GALNT5: variants seen among roughly 807,000 people sequenced by gnomAD.
GALNT5 encodes the protein polypeptide N-acetylgalactosaminyltransferase 5, also known as UDP-GalNAc:polypeptide N-acetylgalactosaminyltransferase 5.
GALNT5 carries 72 observed loss-of-function variants against 85.4 expected under a neutral mutation model. The observed-to-expected ratio is 0.84, with a 90% CI of 0.70 to 1.03. The LOEUF (loss-of-function observed/expected upper bound fraction) is 1.03. Ranked by LOEUF, GALNT5 falls within the 50% of genes least tolerant of loss-of-function variation. The pLI is 0.00. For missense variants in GALNT5, 1,137 were observed against 1,135.5 expected (o/e 1.00, Z -0.02); for synonymous variants, 404 against 397.0 (o/e 1.02, Z -0.21).
chr2:157,267,403 C>T (rs1199195114), intron 1 of GALNT5, among the ~76,000 whole-genome samples: 1 of 152,132 alleles, frequency 6.6e-6, no homozygotes, highest in Non-Finnish European at 1.5e-5. Flanking sequence ...GGACTTATGA[C>T]CCAAAGGAAA....
At chr2:157,293,266 G>A (rs1446785248) in intron 3 of GALNT5, among the ~76,000 whole-genome samples, 1 of 152,198 alleles carries the variant, frequency 6.6e-6, no homozygotes, top group Non-Finnish European at 1.5e-5. Context: ...CAAGGCACTA[G>A]CAGATTCGGT....
At chr2:157,308,253 C>A (rs572276456) in intron 8 of GALNT5, among the ~76,000 whole-genome samples, 1 of 152,288 alleles carries the variant, frequency 6.6e-6, no homozygotes, top group African/African-American at 2.4e-5. Context: ...GAATTAATTG[C>A]ACTGAATAAT....
chr2:157,300,388 A>G (rs1217152819), intron 6 of GALNT5, among the ~76,000 whole-genome samples: 1 of 152,140 alleles, frequency 6.6e-6, no homozygotes, highest in Non-Finnish European at 1.5e-5. Flanking sequence ...CAAAACAAGA[A>G]CTCATGTTTT....
In GALNT5 at chr2:157,317,624, G is replaced by A. The variant is rs1683744783; in HGVS notation, c.*6276G>A. Among the ~76,000 whole-genome samples, 3 of 152,136 alleles carry A rather than the reference G, an allele frequency of 2.0e-5. 1 individual carries two copies. In the East Asian group the frequency reaches 5.8e-4, roughly 29 times the overall value. ...GGATGTTGGAATTAAACATTTTTAA[G>A]TACTTTTTCTTTTGCATCTGATCGA... is the stretch of plus-strand genomic sequence containing the variant. On this transcript the variant is annotated 3_prime_UTR_variant, in exon 10 of 10. Transcript: ENST00000259056.
intron 1 of GALNT5, among the ~76,000 whole-genome samples, chr2:157,272,862 G>C (rs1437002748): frequency 6.6e-6 from 1 of 152,106 alleles, no homozygotes; most frequent in Admixed American, 6.5e-5. Flanking sequence ...TTTTCATTTG[G>C]ATATATACCT....
chr2:157,300,719 G>A lies in GALNT5; in HGVS notation c.2159G>A (p.Arg720Gln), dbSNP rs372133363. 38 of 1,613,724 alleles carry A rather than the reference G, an allele frequency of 2.4e-5. No individual in the cohort carries two copies. The highest frequency in any genetic ancestry group is 9.3e-5 in the African/African-American group (7 of 74,874). ...GAAATTGAGATCATTCCCTGCTCCC[G>A]AGTGGGCCATATATTCAGAAATGAC... Reference protein sequence around the residue: ...GGEIEIIPCSRVGHIFRNDNP... With the variant: ...GGEIEIIPCSQVGHIFRNDNP... The change falls in exon 7 of 10, where the codon CGA becomes CAA. Residue 720 changes from arginine (R) to glutamine (Q), a missense_variant. Coordinates refer to ENST00000259056, the MANE Select transcript of GALNT5 (RefSeq NM_014568.3).
chr2:157,299,952 C>T (rs534063666), intron 6 of GALNT5, among the ~76,000 whole-genome samples: 3 of 152,076 alleles, frequency 2.0e-5, no homozygotes, highest in African/African-American at 7.2e-5. Context: ...GGGAGTCATA[C>T]GTGCTACAAA....
intron 3 of GALNT5, among the ~76,000 whole-genome samples, 187 bp from the exon 4 acceptor site, chr2:157,295,476 T>C (rs569780712): frequency 6.6e-6 from 1 of 151,606 alleles, no homozygotes; most frequent in South Asian, 2.1e-4. Flanking sequence ...ACAGGACTCC[T>C]AGGAGCAAAG....
chr2:157,272,609 A>G (rs1275693176), intron 1 of GALNT5, among the ~76,000 whole-genome samples: 4 of 152,266 alleles, frequency 2.6e-5, no homozygotes, highest in South Asian at 2.1e-4. Flanking sequence ...GCTCCCACCT[A>G]TAAGTGAGAA....
At chr2:157,291,006 G>T (rs1683085928) in intron 3 of GALNT5, among the ~76,000 whole-genome samples, 1 of 152,214 alleles carries the variant, frequency 6.6e-6, no homozygotes, top group African/African-American at 2.4e-5. Context: ...TGAGGAGGTT[G>T]AGAGGCCCAA....
chr2:157,291,179 C>T (rs1293302643), intron 3 of GALNT5, among the ~76,000 whole-genome samples: 1 of 152,130 alleles, frequency 6.6e-6, no homozygotes, highest in Admixed American at 6.5e-5. Context: ...TGATTTACTG[C>T]CCTGCCAAGA....
At chr2:157,300,644 G>A in intron 6 of GALNT5, 32 bp from the exon 7 acceptor site, 1 of 1,503,924 alleles carries the variant, frequency 6.6e-7, no homozygotes, top group South Asian at 1.1e-5. Flanking sequence ...ATAATCATTT[G>A]ATAATTGATG....
At chr2:157,305,703 T>G in intron 7 of GALNT5, 46 bp from the exon 8 acceptor site, 1 of 1,073,584 alleles carries the variant, frequency 9.3e-7, no homozygotes, top group Non-Finnish European at 1.4e-6. Flanking sequence ...TGTCTTGTTT[T>G]ACTTTAAAAT....
chr2:157,310,557 T>A (rs1171048981), intron 9 of GALNT5, among the ~76,000 whole-genome samples: 1 of 152,218 alleles, frequency 6.6e-6, no homozygotes, highest in Non-Finnish European at 1.5e-5. Context: ...AGATTGTCTT[T>A]GTCATAGTCA....
At chr2:157,299,159 A>C (rs1683284340) in intron 5 of GALNT5, 1 of 154,458 alleles carries the variant, frequency 6.5e-6, no homozygotes, top group Non-Finnish European at 1.4e-5. Flanking sequence ...CCTCACATCC[A>C]GTGTTGCAGA....
chr2:157,263,977 C>G (rs957870446), intron 1 of GALNT5, among the ~76,000 whole-genome samples: 25 of 152,030 alleles, frequency 1.6e-4, no homozygotes, highest in African/African-American at 4.8e-4. Flanking sequence ...ATTTTATTTA[C>G]AAGAATGTTT....
intron 3 of GALNT5, among the ~76,000 whole-genome samples, chr2:157,288,171 T>C (rs1683018036): frequency 1.3e-5 from 2 of 152,238 alleles, no homozygotes; most frequent in Admixed American, 1.3e-4. Context: ...TCTGCTTACC[T>C]GAGTTTAATT....
chr2:157,299,370 C>T (rs1216656802), intron 5 of GALNT5, among the ~76,000 whole-genome samples, 178 bp from the exon 6 acceptor site: 2 of 152,152 alleles, frequency 1.3e-5, no homozygotes, highest in Admixed American at 1.3e-4. Context: ...AGCTCTGCCA[C>T]CATGATCCAG....
In GALNT5 at chr2:157,258,089, A is replaced by G; in HGVS notation, c.7A>G (p.Arg3Gly). The G allele has an allele frequency of 1.9e-6, 3 of 1,613,496 alleles. No homozygotes were observed. The highest frequency in any genetic ancestry group is 2.5e-6 in the Non-Finnish European group (3 of 1,179,926). Residue 3 changes from arginine to glycine, a missense_variant, in exon 1 of 10, where the codon AGG becomes GGG. Physicochemically the swap from Arg to Gly is moderately radical, Grantham distance 125. Transcript: ENST00000259056. MN[R>G]IRKFFRGSGR... ...CTAGGGAAAGCTTTGTACCATGAACAGGATCCGAAAGTTTTTCCGAGGAAG... is the reference window on the plus strand; with the variant it reads ...CTAGGGAAAGCTTTGTACCATGAACGGGATCCGAAAGTTTTTCCGAGGAAG...
Sources: allele counts gnomAD v4.1 joint callset (sites outside exome capture counted in the v4.1 genomes callset), GRCh38; gene constraint gnomAD v4.1.1; transcripts MANE v1.5; gene names NCBI Gene and HGNC (gene_info 2026-07-23, HGNC 2026-07-21).